The following EPB41L1 variants were observed in gnomAD, a reference collection of about 807,000 sequenced individuals.
EPB41L1 encodes the protein erythrocyte membrane protein band 4.1 like 1.
A neutral mutation model predicts 97.8 loss-of-function variants in EPB41L1; 29 were observed. The observed-to-expected ratio is 0.30, with a 90% CI of 0.22 to 0.40. The LOEUF (loss-of-function observed/expected upper bound fraction) is 0.40, where lower values mean the gene tolerates loss of function less well. EPB41L1 is among the 10% of genes least tolerant of loss of function. EPB41L1 has a pLI of 1.00. For missense variants in EPB41L1, 812 were observed against 1,162.3 expected, an observed-to-expected ratio of 0.70 and a Z score of 4.38; for synonymous variants, 383 against 459.2, an observed-to-expected ratio of 0.83 and a Z score of 2.12.
chr20:36,140,268 G>A lies in EPB41L1; in HGVS notation c.-10+27788G>A, dbSNP rs1261805003. 4.3e-5 allele frequency among the ~76,000 whole-genome samples: 6 copies of A among 140,038 alleles called. No homozygotes were observed. In the Admixed American group the frequency reaches 4.4e-4, roughly 10 times the overall value. The allele number at this position is 140,038 out of a possible 152,430, so 91.9% of individuals were successfully genotyped here. A position where few individuals can be genotyped will look rare whatever the true frequency, so the allele number is the denominator to read the frequency against. ...TTTTTTTTAGTAGGGATGAGGTTTC[G>A]CCATGTTGGCCGTGCTGGTCTTGAA... On this transcript the variant is annotated intron_variant, in intron 2 of 19. Transcript: ENST00000202028.
chr20:36,229,224 G>A lies in EPB41L1; in HGVS notation c.2638-108G>A. 3 of 935,680 alleles carry A rather than the reference G, an allele frequency of 3.2e-6. No individual in the cohort carries two copies. In the South Asian group the frequency reaches 4.2e-5, roughly 13 times the overall value. The allele number at this position is 935,680 out of a possible 1,614,324, so 58.0% of individuals were successfully genotyped here. A position where few individuals can be genotyped will look rare whatever the true frequency, so the allele number is the denominator to read the frequency against. ...TAAAGGGTAGCAAAAACAACCTCTTGCCATGTATTTTAAAACAAGTGACAG... is the reference window on the plus strand; with the variant it reads ...TAAAGGGTAGCAAAAACAACCTCTTACCATGTATTTTAAAACAAGTGACAG... On this transcript the variant is annotated intron_variant, in intron 21 of 21. Transcript: ENST00000338074.
At chr20:36,201,233 G>A (rs1193402934) in intron 14 of EPB41L1, among the ~76,000 whole-genome samples, 1 of 152,202 alleles carries the variant, frequency 6.6e-6, no homozygotes, top group Non-Finnish European at 1.5e-5. Context: ...TGGGAAGACA[G>A]AACAGCCTGC....
intron 2 of EPB41L1, chr20:36,121,785 C>T (rs2058759524): frequency 6.6e-6 from 1 of 152,238 alleles, no homozygotes; most frequent in Non-Finnish European, 1.5e-5. Context: ...GACACAGAAG[C>T]CAGACCTGTC....
At chr20:36,143,089 G>A (rs1019909230) in intron 2 of EPB41L1, among the ~76,000 whole-genome samples, 15 of 152,134 alleles carry the variant, frequency 9.9e-5, no homozygotes, top group Admixed American at 7.9e-4. Context: ...ACCGCCAGGT[G>A]TCTGGAGGTG....
intron 6 of EPB41L1, among the ~76,000 whole-genome samples, chr20:36,183,545 T>A (rs112087588): frequency 5.3e-4 from 80 of 152,218 alleles, no homozygotes; most frequent in African/African-American, 1.9e-3. Flanking sequence ...TACTGATACC[T>A]CTCCTGTTTG....
At chr20:36,097,713 C>T (rs1488735159) in intron 1 of EPB41L1, among the ~76,000 whole-genome samples, 1 of 152,142 alleles carries the variant, frequency 6.6e-6, no homozygotes. Flanking sequence ...TGGATTTTAC[C>T]GTCTGGGTAT....
intron 21 of EPB41L1, among the ~76,000 whole-genome samples, chr20:36,228,964 A>C (rs2064348446): frequency 6.6e-6 from 1 of 152,168 alleles, no homozygotes; most frequent in Admixed American, 6.5e-5. Context: ...CTCCCTGGAA[A>C]CAAGCGAGCA....
chr20:36,149,296 T>C (rs564744658), intron 2 of EPB41L1, among the ~76,000 whole-genome samples: 1 of 152,284 alleles, frequency 6.6e-6, no homozygotes, highest in African/African-American at 2.4e-5. Flanking sequence ...TCAACAACAC[T>C]ACACTAGATA....
chr20:36,164,504 C>T (rs189735222), intron 1 of EPB41L1, among the ~76,000 whole-genome samples: 3 of 152,228 alleles, frequency 2.0e-5, no homozygotes, highest in Admixed American at 1.3e-4. Context: ...TTGGTGTCAT[C>T]GGTGTGCAGG....
chr20:36,175,788 G>C, intron 3 of EPB41L1, 73 bp downstream of exon 3: 1 of 1,571,334 alleles, frequency 6.4e-7, no homozygotes, highest in South Asian at 1.1e-5. Context: ...GCTCCTGTGT[G>C]TACCCAGCTT....
intron 2 of EPB41L1, among the ~76,000 whole-genome samples, chr20:36,114,842 C>T (rs1455032791): frequency 1.3e-5 from 2 of 151,996 alleles, no homozygotes; most frequent in Admixed American, 1.3e-4. Flanking sequence ...TTCTGAGTGG[C>T]CAGGTGTGGG....
intron 2 of EPB41L1, among the ~76,000 whole-genome samples, chr20:36,128,875 A>T (rs2059079143): frequency 6.6e-6 from 1 of 152,142 alleles, no homozygotes. Context: ...GGTGGGAGGC[A>T]GGGATGGGAT....
At chr20:36,229,310 AC>A in intron 21 of EPB41L1, 21 bp from the exon 22 acceptor site, 2 of 1,427,260 alleles carry the variant, frequency 1.4e-6, no homozygotes, top group Non-Finnish European at 9.4e-7. Flanking sequence ...CCCCCATTCT[AC>A]CCCATGCCTC....
chr20:36,208,336 C>G (rs911669093), intron 14 of EPB41L1: 2 of 453,836 alleles, frequency 4.4e-6, no homozygotes, highest in Non-Finnish European at 8.9e-6. Flanking sequence ...AAGAGAAGCG[C>G]TCCACCAACT....
chr20:36,180,850 G>T (rs1410673013), intron 5 of EPB41L1, among the ~76,000 whole-genome samples: 1 of 152,174 alleles, frequency 6.6e-6, no homozygotes, highest in East Asian at 1.9e-4. Context: ...CATTGAAGCT[G>T]CTCTTTCCAA....
chr20:36,202,757 G>C (rs989575380), intron 14 of EPB41L1, among the ~76,000 whole-genome samples: 4 of 150,796 alleles, frequency 2.7e-5, no homozygotes, highest in African/African-American at 9.8e-5. Flanking sequence ...CTGTCAGTGA[G>C]GCAAGATCAC....
chr20:36,136,182 G>A (rs2059407252), intron 2 of EPB41L1, among the ~76,000 whole-genome samples: 1 of 151,858 alleles, frequency 6.6e-6, no homozygotes, highest in Admixed American at 6.6e-5. Context: ...CTGACCACTT[G>A]TTTTTTGAGG....
Position 36,209,188 on chromosome 20 carries a change from C to T in EPB41L1, c.1669-300C>T, listed in dbSNP as rs931118358. 1.3e-5 allele frequency among the ~76,000 whole-genome samples: 2 copies of T among 152,204 alleles called. No homozygotes were observed. Among genetic ancestry groups the T allele is most frequent in the Non-Finnish European group, 1.5e-5 (1 of 68,040 alleles). On this transcript the variant is annotated intron_variant, in intron 14 of 21. Coordinates refer to ENST00000338074, the MANE Select transcript of EPB41L1 (RefSeq NM_012156.2). This position sits in a 1 kb window ranked among gnomAD's most constrained non-coding sequence, Gnocchi z 4.2. ...TCCAATAAGCTCCCAGATCCAATAC[C>T]CTTGGATGGAGCCTCCTGTCCAGGA...
chr20:36,206,670 G>T lies in EPB41L1; in HGVS notation c.1669-2818G>T. 7.8e-7 allele frequency: 1 copy of T among 1,289,850 alleles called. No homozygotes were observed. The highest frequency in any genetic ancestry group is 1.0e-6 in the Non-Finnish European group (1 of 988,880). 79.9% of individuals were successfully genotyped at this position (1,289,850 alleles called of 1,614,324 possible). A position where few individuals can be genotyped will look rare whatever the true frequency, so the allele number is the denominator to read the frequency against. On this transcript the variant is annotated intron_variant, in intron 14 of 21. Coordinates refer to ENST00000338074, the MANE Select transcript of EPB41L1 (RefSeq NM_012156.2). The surrounding 1 kb of genome is among the most constrained non-coding windows in gnomAD (Gnocchi z 5.5). ...TGACTTCCCCAAAGGAAGGGGCAGG[G>T]ACCCCCAAGAACCATGGAGGACCTG...
Sources: allele counts gnomAD v4.1 joint callset (sites outside exome capture counted in the v4.1 genomes callset), GRCh38; gene constraint gnomAD v4.1.1; non-coding constraint Gnocchi (gnomAD v3.1); transcripts MANE v1.5; gene names NCBI Gene and HGNC (gene_info 2026-07-23, HGNC 2026-07-21).